Variants in HDAC9 observed in about 807,000 individuals in gnomAD.
The protein encoded by HDAC9 is histone deacetylase 9.
In HDAC9, 41 loss-of-function variants were observed where a neutral mutation model predicts 139.4. The ratio of observed to expected loss-of-function variants is 0.29; its 90% CI spans 0.23 to 0.38. HDAC9 has a LOEUF of 0.38. Among genes scored for constraint, HDAC9 ranks in the 10% least tolerant of loss-of-function variants. The probability of loss-of-function intolerance (pLI) is 1.00; values close to 1 mark genes in which losing one functional copy is unlikely to be tolerated. For synonymous variants in HDAC9, 517 were observed against 476.2 expected (o/e 1.09, Z -1.12); for missense variants, 1,147 against 1,297.0 (o/e 0.88, Z 1.78).
intron 22 of HDAC9, among the ~76,000 whole-genome samples, chr7:18,906,536 T>C (rs995718816): frequency 2.6e-5 from 4 of 152,226 alleles, no homozygotes; most frequent in Non-Finnish European, 2.9e-5. Flanking sequence ...TAATATAGTT[T>C]TCTGCCCTGC....
chr7:18,815,597 G>C (rs1490702956), intron 17 of HDAC9, among the ~76,000 whole-genome samples: 1 of 152,174 alleles, frequency 6.6e-6, no homozygotes, highest in East Asian at 1.9e-4. Context: ...CCCCAGTTTT[G>C]ACAGGCTGAA....
intron 16 of HDAC9, among the ~76,000 whole-genome samples, chr7:18,783,687 C>G (rs1223292245): frequency 6.7e-6 from 1 of 149,208 alleles, no homozygotes; most frequent in Admixed American, 6.7e-5. Flanking sequence ...TTGCCTTTCC[C>G]GCTTTAGAAT....
intron 1 of HDAC9, among the ~76,000 whole-genome samples, chr7:18,323,833 A>G (rs1800226690): frequency 1.3e-5 from 2 of 152,086 alleles, no homozygotes; most frequent in Admixed American, 1.3e-4. Context: ...CTTTAACAAC[A>G]TACAGTTATT....
At chr7:18,552,586 C>A (rs1374874866) in intron 2 of HDAC9, among the ~76,000 whole-genome samples, 1 of 152,094 alleles carries the variant, frequency 6.6e-6, no homozygotes, top group African/African-American at 2.4e-5. Flanking sequence ...ACCCGGTTTT[C>A]TTTATTTTTC....
chr7:18,317,786 C>G (rs1445976311), intron 1 of HDAC9, among the ~76,000 whole-genome samples: 2 of 152,084 alleles, frequency 1.3e-5, no homozygotes, highest in African/African-American at 2.4e-5. Flanking sequence ...TAAGGCAATC[C>G]TTTGTGTTTT....
intron 24 of HDAC9, among the ~76,000 whole-genome samples, chr7:18,958,865 A>C (rs961725487): frequency 9.2e-5 from 14 of 152,174 alleles, no homozygotes; most frequent in Non-Finnish European, 4.4e-5. Context: ...CACAAGGATG[A>C]GTCATTTCTA....
intron 23 of HDAC9, among the ~76,000 whole-genome samples, chr7:18,938,456 G>T (rs1405719978): frequency 6.6e-6 from 1 of 151,728 alleles, no homozygotes; most frequent in Non-Finnish European, 1.5e-5. Context: ...TTAGCGGGGC[G>T]TGTTGGCAGG....
Position 18,176,262 on chromosome 7 carries a change from C to T in HDAC9, c.25+13913C>T, listed in dbSNP as rs571249231. Among the ~76,000 whole-genome samples, 5 of 152,244 alleles carry T rather than the reference C, an allele frequency of 3.3e-5. No homozygotes were observed. In the South Asian group the frequency reaches 1.0e-3, roughly 32 times the overall value. On this transcript the variant is annotated intron_variant, in intron 2 of 12. Transcript: ENST00000417496. ...ATTTCCTTCCCTGTGTTTTTCTGGTCTTGAGATCTCCAGTGCTTTCTGAAG... is the reference window on the plus strand; with the variant it reads ...ATTTCCTTCCCTGTGTTTTTCTGGTTTTGAGATCTCCAGTGCTTTCTGAAG...
At chr7:18,088,205 G>C (rs149209803) in intron 1 of HDAC9, among the ~76,000 whole-genome samples, 1 of 152,332 alleles carries the variant, frequency 6.6e-6, no homozygotes, top group East Asian at 1.9e-4. Context: ...TATGTGGGGT[G>C]TGTATGTGTG....
At chr7:18,845,805 G>C (rs890311905) in intron 21 of HDAC9, among the ~76,000 whole-genome samples, 2 of 152,178 alleles carry the variant, frequency 1.3e-5, no homozygotes, top group African/African-American at 4.8e-5. Context: ...TTGGCTAGAA[G>C]AGCTAGGAGT....
At chr7:18,605,253 T>C (rs776815342) in intron 6 of HDAC9, among the ~76,000 whole-genome samples, 1 of 152,198 alleles carries the variant, frequency 6.6e-6, no homozygotes, top group Non-Finnish European at 1.5e-5. Flanking sequence ...TGGTAAGGCG[T>C]TGGACAGGAG....
chr7:18,618,752 ATATATATATG>A (rs1275332373), intron 6 of HDAC9, among the ~76,000 whole-genome samples: 3 of 141,956 alleles, frequency 2.1e-5, no homozygotes, highest in South Asian at 4.3e-4. Flanking sequence ...ATATATATAT[ATATATATATG>A]TAGGAATTCG....
intron 2 of HDAC9, among the ~76,000 whole-genome samples, chr7:18,257,896 G>C (rs1795386488): frequency 6.6e-6 from 1 of 152,214 alleles, no homozygotes; most frequent in African/African-American, 2.4e-5. Context: ...CAAACTGTAA[G>C]GGAGGGACTT....
chr7:18,268,383 TTTG>T (rs1247490651), intron 2 of HDAC9, among the ~76,000 whole-genome samples: 2 of 152,022 alleles, frequency 1.3e-5, no homozygotes, highest in Non-Finnish European at 2.9e-5. Flanking sequence ...ATGACCAAAG[TTTG>T]TTATTAGTTT....
intron 2 of HDAC9, among the ~76,000 whole-genome samples, chr7:18,550,638 A>G (rs1816809661): frequency 6.6e-6 from 1 of 152,176 alleles, no homozygotes. Context: ...GTAAGGTGTG[A>G]GAAACTGTAA....
chr7:18,132,571 G>A (rs545881817), intron 1 of HDAC9, among the ~76,000 whole-genome samples: 10 of 152,030 alleles, frequency 6.6e-5, no homozygotes, highest in Admixed American at 6.6e-5. Flanking sequence ...ACCACACCTG[G>A]CTTTGATTGA....
At chr7:18,746,422 T>C (rs1012741418) in intron 13 of HDAC9, among the ~76,000 whole-genome samples, 3 of 152,228 alleles carry the variant, frequency 2.0e-5, no homozygotes, top group Non-Finnish European at 4.4e-5. Context: ...TCCTTCTGAC[T>C]TTATTTAAAA....
chr7:18,736,672 C>A (rs1001271260), intron 13 of HDAC9, among the ~76,000 whole-genome samples: 5 of 152,180 alleles, frequency 3.3e-5, no homozygotes, highest in African/African-American at 9.7e-5. Context: ...TGATGTTCAT[C>A]AGGGATATTG....
intron 1 of HDAC9, among the ~76,000 whole-genome samples, chr7:18,320,898 C>T (rs773721933): frequency 6.6e-6 from 1 of 152,156 alleles, no homozygotes; most frequent in African/African-American, 2.4e-5. Context: ...GAGAACTTTC[C>T]AATTGTCCAC....
Sources: gnomAD v4.1 joint callset for allele counts (sites outside exome capture counted in the v4.1 genomes callset) on GRCh38, gnomAD v4.1.1 for gene constraint, MANE v1.5 for transcripts, NCBI Gene and HGNC (gene_info 2026-07-23, HGNC 2026-07-21) for gene names.